UBAC1: variants seen among roughly 807,000 people sequenced by gnomAD.
UBAC1 encodes UBA domain containing 1, also known as ubiquitin-associated domain-containing protein 1.
In UBAC1, 27 loss-of-function variants were observed where a neutral mutation model predicts 45.9. The ratio of observed to expected loss-of-function variants is 0.59; its 90% confidence interval spans 0.43 to 0.81. UBAC1 has a LOEUF of 0.81. Among genes scored for constraint, UBAC1 ranks in the 30% least tolerant of loss-of-function variants. The pLI is 0.00. For missense variants in UBAC1, 529 were observed against 539.2 expected (o/e 0.98, Z 0.19); for synonymous variants, 227 against 215.5 (o/e 1.05, Z -0.47).
rs772676369 is a variant in UBAC1 at position 135,946,293 on chromosome 9, C to T, written c.520G>A (p.Val174Met). The T allele has an allele frequency of 6.2e-7, 1 of 1,613,584 alleles. No homozygotes were observed. The highest frequency in any genetic ancestry group is 1.1e-5 in the South Asian group (1 of 91,076). Residue 174 changes from valine to methionine, a missense_variant, in exon 5 of 10, where the codon GTG becomes ATG. Val to Met is a conservative substitution (Grantham distance 21). Coordinates refer to ENST00000371756, the MANE Select transcript of UBAC1 (RefSeq NM_016172.3). ...CCATTCGCCTTCTTAAACAATTCCA[C>T]TGCATCTGGGTTCAGCGCTAACAGC... is the stretch of plus-strand genomic sequence containing the variant. ...QKLLALNPDA[V>M]ELFKKANAML...
chr9:135,961,178 G>GGGGCCT lies in UBAC1; in HGVS notation c.-22_-17dup. 1.3e-6 allele frequency: 2 copies of GGGGCCT among 1,526,172 alleles called. No individual in the cohort carries two copies. The highest frequency in any genetic ancestry group is 1.7e-6 in the Non-Finnish European group (2 of 1,144,432). 94.5% of individuals were successfully genotyped at this position (1,526,172 alleles called of 1,614,324 possible). The stretch of plus-strand genomic sequence containing the variant: ...GCACGAACATCCCGCCGCCGCCGCA[G>GGGGCCT]GGGCCTGCGCCCGCCACCCGGGCCC... On this transcript the variant is annotated 5_prime_UTR_variant, in exon 1 of 10. Transcript: ENST00000371756.
At chr9:135,947,107 A>G (rs563271917) in intron 4 of UBAC1, among the ~76,000 whole-genome samples, 12 of 152,192 alleles carry the variant, frequency 7.9e-5, no homozygotes, top group Non-Finnish European at 1.8e-4. Flanking sequence ...CTGGCATCAG[A>G]TGAAGTTGGA....
chr9:135,941,745 G>T (rs570278248), intron 7 of UBAC1, among the ~76,000 whole-genome samples: 13 of 146,780 alleles, frequency 8.9e-5, no homozygotes, highest in African/African-American at 2.5e-4. Context: ...TTGCGCTCAC[G>T]GGCTGCAGGA....
intron 7 of UBAC1, among the ~76,000 whole-genome samples, chr9:135,944,239 G>T (rs2131085620): frequency 6.6e-6 from 1 of 152,298 alleles, no homozygotes; most frequent in Non-Finnish European, 1.5e-5. Context: ...GTGGGGCAGG[G>T]GCCCCACTCA....
chr9:135,938,430 G>T, intron 8 of UBAC1, 70 bp from the exon 9 acceptor site: 1 of 1,561,486 alleles, frequency 6.4e-7, no homozygotes, highest in South Asian at 1.2e-5. Flanking sequence ...ACCAGCAGCA[G>T]GCATGACAGC....
At chr9:135,941,390 A>C (rs938907075) in intron 7 of UBAC1, among the ~76,000 whole-genome samples, 17 of 152,220 alleles carry the variant, frequency 1.1e-4, no homozygotes, top group Non-Finnish European at 1.8e-4. Flanking sequence ...TGGGCGACAC[A>C]GTGAGACTCC....
At chr9:135,934,090 G>C (rs567777010) in intron 9 of UBAC1, among the ~76,000 whole-genome samples, 1 of 152,228 alleles carries the variant, frequency 6.6e-6, no homozygotes, top group African/African-American at 2.4e-5. Context: ...TCCACCCACT[G>C]TGAAGGAGCA....
At position 135,945,963 on chromosome 9, in the gene UBAC1, G is replaced by A. The variant is rs547138493; in HGVS notation, c.579C>T (p.Asp193=). The stretch of plus-strand genomic sequence containing the variant: ...CCGTGAGCTGCCGCAGGGCAGCCTC[G>A]TCCACACGCTCATCCTCGTCCTCGT... ...MLDEDEDERV[D]EAALRQLTEM... is the part of the protein sequence containing the mutation. The change falls in exon 6 of 10, where the codon GAC becomes GAT. Residue 193 remains aspartate (D), a synonymous_variant. Coordinates refer to ENST00000371756, the MANE Select transcript of UBAC1 (RefSeq NM_016172.3). 2.6e-5 allele frequency: 42 copies of A among 1,613,980 alleles called. No individual in the cohort carries two copies. The South Asian group carries it at 3.1e-4, about 12-fold the overall frequency.
intron 7 of UBAC1, among the ~76,000 whole-genome samples, chr9:135,943,846 T>C (rs892622364): frequency 1.8e-4 from 28 of 152,206 alleles, no homozygotes; most frequent in African/African-American, 6.0e-4. Context: ...TGGAAGCCAC[T>C]GTCCTCAGCA....
intron 9 of UBAC1, among the ~76,000 whole-genome samples, chr9:135,935,933 G>T (rs1181311614): frequency 1.3e-5 from 2 of 151,646 alleles, no homozygotes; most frequent in Non-Finnish European, 2.9e-5. Context: ...GGCTGAGGCA[G>T]GAGAATGGCG....
In UBAC1 at chr9:135,953,758, A is replaced by G. The variant is rs1352935887; in HGVS notation, c.260-5T>C. 2 of 1,612,924 alleles carry G rather than the reference A, an allele frequency of 1.2e-6. No individual in the cohort carries two copies. Among genetic ancestry groups the G allele is most frequent in the Non-Finnish European group, 1.7e-6 (2 of 1,179,222 alleles). On this transcript the variant is annotated splice_polypyrimidine_tract_variant and splice_region_variant and intron_variant, in intron 2 of 9. Transcript: ENST00000371756. ...TTTTTATCAATAATAGGACATCTAGAAAAAACAACACGTATATCCAACACA... is the reference window on the plus strand; with the variant it reads ...TTTTTATCAATAATAGGACATCTAGGAAAAACAACACGTATATCCAACACA...
At chr9:135,942,913 G>A (rs145083507) in intron 7 of UBAC1, among the ~76,000 whole-genome samples, 2 of 152,238 alleles carry the variant, frequency 1.3e-5, no homozygotes, top group East Asian at 1.9e-4. Flanking sequence ...GACTAGAAAA[G>A]CATTTGTCTC....
intron 7 of UBAC1, among the ~76,000 whole-genome samples, chr9:135,944,161 T>G (rs1003920593): frequency 6.6e-6 from 1 of 152,142 alleles, no homozygotes; most frequent in Non-Finnish European, 1.5e-5. Flanking sequence ...AGAAAAGCAT[T>G]TGTCTCCACG....
At chr9:135,940,770 T>C (rs1839261160) in intron 7 of UBAC1, among the ~76,000 whole-genome samples, 1 of 152,146 alleles carries the variant, frequency 6.6e-6, no homozygotes, top group Non-Finnish European at 1.5e-5. Flanking sequence ...GGGTCCATTT[T>C]GAAAAAATAT....
intron 3 of UBAC1, among the ~76,000 whole-genome samples, chr9:135,948,370 T>C (rs1839364351): frequency 6.6e-6 from 1 of 152,184 alleles, no homozygotes; most frequent in Non-Finnish European, 1.5e-5. Context: ...TGACAGCACA[T>C]TCTCAGAAGA....
At chr9:135,942,154 C>T (rs1038681288) in intron 7 of UBAC1, 3 of 152,160 alleles carry the variant, frequency 2.0e-5, no homozygotes, top group Non-Finnish European at 4.4e-5. Context: ...AAGTATATGA[C>T]TAACAACCTC....
chr9:135,960,944 C>T, intron 1 of UBAC1, 81 bp downstream of exon 1: 4 of 1,293,252 alleles, frequency 3.1e-6, no homozygotes, highest in Non-Finnish European at 3.0e-6. Flanking sequence ...CAGGTCGGGG[C>T]GGTTCGGGGA....
intron 1 of UBAC1, among the ~76,000 whole-genome samples, chr9:135,960,251 CT>C (rs1260031408): frequency 1.3e-5 from 2 of 152,178 alleles, no homozygotes; most frequent in Non-Finnish European, 2.9e-5. Flanking sequence ...TTACTGAGTC[CT>C]TTAGAGACTC....
At chr9:135,933,860 G>A (rs1324488472) in intron 9 of UBAC1, among the ~76,000 whole-genome samples, 1 of 152,044 alleles carries the variant, frequency 6.6e-6, no homozygotes, top group South Asian at 2.1e-4. Flanking sequence ...ATCCCACCCC[G>A]AGAAGGTCAG....
Sources: allele counts gnomAD v4.1 joint callset (sites outside exome capture counted in the v4.1 genomes callset), GRCh38; gene constraint gnomAD v4.1.1; transcripts MANE v1.5; gene names NCBI Gene and HGNC (gene_info 2026-07-23, HGNC 2026-07-21).